Variants in RBFOX1 observed in about 807,000 individuals in gnomAD.
RBFOX1 encodes RNA binding protein fox-1 homolog 1.
Under a neutral mutation model 57.7 loss-of-function variants are expected in RBFOX1, and 8 were observed. That is an observed-to-expected ratio of 0.14 (90% CI 0.08 to 0.25). The LOEUF (loss-of-function observed/expected upper bound fraction) is 0.25. Ranked by LOEUF, RBFOX1 falls within the 10% of genes least tolerant of loss-of-function variation. The pLI, the probability that RBFOX1 is intolerant of heterozygous loss-of-function variation, is 1.00. For missense variants in RBFOX1, 611 were observed against 548.5 expected (o/e 1.11, Z -1.14); for synonymous variants, 326 against 222.4 (o/e 1.47, Z -4.15).
chr16:6,721,887 C>T (rs2154164504), intron 3 of RBFOX1: 1 of 152,966 alleles, frequency 6.5e-6, no homozygotes, highest in South Asian at 2.1e-4. Flanking sequence ...CATTATCCCC[C>T]CAAAATAACG....
chr16:6,339,496 T>C (rs1278930894), intron 2 of RBFOX1, among the ~76,000 whole-genome samples: 1 of 152,062 alleles, frequency 6.6e-6, no homozygotes, highest in Non-Finnish European at 1.5e-5. Flanking sequence ...AGATCATTCA[T>C]TGATCAAAGA....
intron 10 of RBFOX1, among the ~76,000 whole-genome samples, chr16:7,616,695 C>G (rs1451058114): frequency 6.6e-6 from 1 of 152,120 alleles, no homozygotes; most frequent in African/African-American, 2.4e-5. Flanking sequence ...CCACACCCAG[C>G]TAACTTTTGT....
intron 3 of RBFOX1, among the ~76,000 whole-genome samples, chr16:7,005,878 G>T (rs1418851046): frequency 6.6e-6 from 1 of 152,036 alleles, no homozygotes; most frequent in East Asian, 1.9e-4. Flanking sequence ...CCTTCTTCTG[G>T]ATAAGAACTA....
intron 3 of RBFOX1, among the ~76,000 whole-genome samples, chr16:6,699,925 G>A (rs2061578732): frequency 6.6e-6 from 1 of 152,204 alleles, no homozygotes; most frequent in South Asian, 2.1e-4. Context: ...TTTGTGGACA[G>A]GTACACATTG....
At position 5,820,492 on chromosome 16, in the gene RBFOX1, C is replaced by T. The variant is rs1040986812; in HGVS notation, c.319-46811C>T. ...AGCACCAGAGCTGCAGCTGCCCGCA[C>T]GTTTCTAGCCACAAGGGAGGGGAAC... On this transcript the variant is annotated intron_variant, in intron 3 of 19. Coordinates refer to the RBFOX1 transcript ENST00000641259. Among the ~76,000 whole-genome samples the T allele has an allele frequency of 4.6e-5, 7 of 152,262 alleles. No individual in the cohort carries two copies. In the South Asian group the frequency reaches 8.3e-4, roughly 18 times the overall value.
In RBFOX1 at chr16:5,378,251, G is replaced by A. The variant is rs913276028; in HGVS notation, c.220-88965G>A. Reference sequence around the variant, plus strand: ...TTATCTGAGATTGAGGGATCTCCTGGGATGTGGGACTGGTGGGTCACCCTC... The same window carrying A: ...TTATCTGAGATTGAGGGATCTCCTGAGATGTGGGACTGGTGGGTCACCCTC... On this transcript the variant is annotated intron_variant, in intron 1 of 2. Coordinates refer to the RBFOX1 transcript ENST00000585867. Among the ~76,000 whole-genome samples, 6 of 151,598 alleles carry A rather than the reference G, an allele frequency of 4.0e-5. 1 individual carries two copies. Among genetic ancestry groups the A allele is most frequent in the African/African-American group, 1.5e-4 (6 of 40,870 alleles).
At chr16:6,491,675 T>C (rs1271996282) in intron 2 of RBFOX1, among the ~76,000 whole-genome samples, 1 of 152,200 alleles carries the variant, frequency 6.6e-6, no homozygotes, top group African/African-American at 2.4e-5. Flanking sequence ...CCAGCAGCCC[T>C]ATGAGGCAGA....
At chr16:6,898,165 C>T (rs530640288) in intron 3 of RBFOX1, among the ~76,000 whole-genome samples, 7 of 152,284 alleles carry the variant, frequency 4.6e-5, no homozygotes, top group South Asian at 2.1e-4. Flanking sequence ...TAATTGAGGT[C>T]GTAGCCAACG....
At chr16:5,806,084 T>TA (rs2055216323) in intron 3 of RBFOX1, among the ~76,000 whole-genome samples, 1 of 152,018 alleles carries the variant, frequency 6.6e-6, no homozygotes, top group South Asian at 2.1e-4. Context: ...CCCTGAGGCT[T>TA]AAAAAAATGG....
At chr16:5,299,539 T>C (rs1375131480) in intron 1 of RBFOX1, among the ~76,000 whole-genome samples, 2 of 152,224 alleles carry the variant, frequency 1.3e-5, no homozygotes, top group African/African-American at 2.4e-5. Context: ...TTCACCATTC[T>C]GACAAGCCAC....
intron 3 of RBFOX1, among the ~76,000 whole-genome samples, chr16:6,982,993 TAAAAAAAA>T (rs370173635): frequency 1.3e-5 from 1 of 79,360 alleles, no homozygotes; most frequent in East Asian, 3.9e-4. Context: ...AGACTCTGTC[TAAAAAAAA>T]AAAAAAAAAA....
chr16:5,851,172 T>A (rs986219406), intron 3 of RBFOX1, among the ~76,000 whole-genome samples: 4 of 152,192 alleles, frequency 2.6e-5, no homozygotes, highest in South Asian at 2.1e-4. Flanking sequence ...CCTATGACGG[T>A]AGTAACTCTC....
intron 1 of RBFOX1, among the ~76,000 whole-genome samples, chr16:6,125,403 G>A (rs935577374): frequency 6.6e-6 from 1 of 152,186 alleles, no homozygotes; most frequent in Non-Finnish European, 1.5e-5. Flanking sequence ...GTTTGCCAGG[G>A]CCAGGAGAGA....
At chr16:7,047,556 G>A (rs1269072266) in intron 3 of RBFOX1, among the ~76,000 whole-genome samples, 1 of 150,932 alleles carries the variant, frequency 6.6e-6, no homozygotes, top group Non-Finnish European at 1.5e-5. Flanking sequence ...AACTCTTTTA[G>A]TTCCTTGAAA....
At chr16:5,861,952 T>C (rs756713903) in intron 3 of RBFOX1, among the ~76,000 whole-genome samples, 14 of 152,168 alleles carry the variant, frequency 9.2e-5, no homozygotes, top group South Asian at 2.1e-4. Context: ...TCTTATACTG[T>C]ACGTGAGATT....
At chr16:5,597,362 T>C (rs150155790) in intron 2 of RBFOX1, among the ~76,000 whole-genome samples, 1 of 149,582 alleles carries the variant, frequency 6.7e-6, no homozygotes, top group East Asian at 2.0e-4. Context: ...GCCCAGGAAG[T>C]TAAAGGGGTG....
At chr16:6,066,293 C>CAAAAAAAAAAAAAAAAAA (rs372412356) in intron 1 of RBFOX1, among the ~76,000 whole-genome samples, 14 of 50,382 alleles carry the variant, frequency 2.8e-4, no homozygotes, top group African/African-American at 1.1e-3. Context: ...GACTCTGTCT[C>CAAAAAAAAAAAAAAAAAA]AAAAAAAAAA....
At chr16:5,576,880 A>T (rs1459434529) in intron 2 of RBFOX1, among the ~76,000 whole-genome samples, 1 of 152,248 alleles carries the variant, frequency 6.6e-6, no homozygotes, top group Non-Finnish European at 1.5e-5. Context: ...TCTGCTATTG[A>T]TTGGATGCTG....
chr16:7,152,510 A>C (rs1361636438), intron 4 of RBFOX1, among the ~76,000 whole-genome samples: 2 of 152,164 alleles, frequency 1.3e-5, no homozygotes, highest in African/African-American at 4.8e-5. Context: ...TTGTGGCCTT[A>C]TGGTCTGGTG....
Sources: gnomAD v4.1 joint callset for allele counts (sites outside exome capture counted in the v4.1 genomes callset) on GRCh38, gnomAD v4.1.1 for gene constraint, MANE v1.5 for transcripts, NCBI Gene and HGNC (gene_info 2026-07-23, HGNC 2026-07-21) for gene names.